Variants in EPHA5 observed in about 807,000 individuals in gnomAD.
EPHA5 encodes the protein ephrin type-A receptor 5.
EPHA5 carries 60 observed loss-of-function variants against 105.0 expected under a neutral mutation model. The observed-to-expected ratio is 0.57, with a 90% CI of 0.46 to 0.71. EPHA5 has a LOEUF of 0.71. EPHA5 is among the 30% of genes least tolerant of loss of function. EPHA5 has a pLI of 0.00. For missense variants in EPHA5, 1,218 were observed against 1,274.7 expected (o/e 0.96, Z 0.68); for synonymous variants, 513 against 449.1 (o/e 1.14, Z -1.80).
chr4:65,565,752 G>A (rs1739469920), intron 3 of EPHA5, among the ~76,000 whole-genome samples: 1 of 150,754 alleles, frequency 6.6e-6, no homozygotes, highest in Non-Finnish European at 1.5e-5. Context: ...TACATATTAT[G>A]GGAAATATAT....
At chr4:65,463,774 A>G (rs1337572558) in intron 5 of EPHA5, among the ~76,000 whole-genome samples, 1 of 152,038 alleles carries the variant, frequency 6.6e-6, no homozygotes, top group African/African-American at 2.4e-5. Flanking sequence ...TTCTCTTGCC[A>G]TGACTGGGAA....
At position 65,669,565 on chromosome 4, in the gene EPHA5, C is replaced by G. The variant is rs547670481; in HGVS notation, c.178G>C (p.Glu60Gln). 2.1e-6 allele frequency: 3 copies of G among 1,399,696 alleles called. No individual in the cohort carries two copies. The highest frequency in any genetic ancestry group is 2.8e-6 in the Non-Finnish European group (3 of 1,071,290). 86.7% of individuals were successfully genotyped at this position (1,399,696 alleles called of 1,614,324 possible). A position where few individuals can be genotyped will look rare whatever the true frequency, so the allele number is the denominator to read the frequency against. Reference sequence around the variant, plus strand: ...GTCCCCACCCCCATCTCCCTACCTTCGTTGCTGGGGCTGGCCAGGAGGGTC... The same window carrying G: ...GTCCCCACCCCCATCTCCCTACCTTGGTTGCTGGGGCTGGCCAGGAGGGTC... ...LRTLLASPSN[E>Q]VNLLDSRTVM... Residue 60 changes from glutamate to glutamine, a missense_variant, in exon 1 of 17, where the codon GAA (glutamate) becomes CAA (glutamine). Around this residue, in one of 3 missense-constraint regions of EPHA5, gnomAD observed 233 missense variants for 227.5 expected, o/e 1.02. Coordinates refer to ENST00000613740, the MANE Select transcript of EPHA5 (RefSeq NM_001281766.3).
In EPHA5 at chr4:65,572,248, A is replaced by C. The variant is rs555065931; in HGVS notation, c.910+29393T>G. 6.6e-5 allele frequency among the ~76,000 whole-genome samples: 10 copies of C among 152,312 alleles called. No homozygotes were observed. The South Asian group carries it at 2.1e-3, about 32-fold the overall frequency. On this transcript the variant is annotated intron_variant, in intron 3 of 16. Coordinates refer to ENST00000613740, the MANE Select transcript of EPHA5 (RefSeq NM_001281766.3). ...AGAACTCTGAGGAAAATAAATTATT[A>C]GAAAGAAAATAATTTAATTATTCTG...
rs1720567748 is a variant in EPHA5, at chr4:65,331,070, TA to T, written c.2945+902del. On this transcript the variant is annotated intron_variant, in intron 16 of 16. Transcript: ENST00000613740. ...TCAATGTTCATATCATGTGTACAAA[TA>T]AAATAACAACTATGGTTTAGTGCTT... 2.3e-5 allele frequency: 24 copies of T among 1,042,952 alleles called. No homozygotes were observed. In the Middle Eastern group the frequency reaches 2.2e-3, roughly 94 times the overall value. 64.6% of individuals were successfully genotyped at this position (1,042,952 alleles called of 1,614,324 possible). A position where few individuals can be genotyped will look rare whatever the true frequency, so the allele number is the denominator to read the frequency against.
chr4:65,527,260 T>C (rs1735323308), intron 3 of EPHA5, among the ~76,000 whole-genome samples: 1 of 152,114 alleles, frequency 6.6e-6, no homozygotes, highest in Non-Finnish European at 1.5e-5. Context: ...TATAATAGAA[T>C]ACTACATTGC....
chr4:65,594,790 A>T (rs1743007520), intron 3 of EPHA5, among the ~76,000 whole-genome samples: 1 of 152,180 alleles, frequency 6.6e-6, no homozygotes. Context: ...CGGGTGTAAT[A>T]ATTTACAAAT....
chr4:65,611,900 T>C (rs558289212), intron 2 of EPHA5, among the ~76,000 whole-genome samples: 4 of 150,950 alleles, frequency 2.6e-5, no homozygotes, highest in African/African-American at 9.7e-5. Flanking sequence ...ATTAAAGACA[T>C]TCTATAGAAA....
chr4:65,331,662 A>G (rs1720628998), intron 16 of EPHA5: 22 of 1,113,094 alleles, frequency 2.0e-5, no homozygotes, highest in Non-Finnish European at 2.4e-5. Context: ...CATAGATACC[A>G]GTATAAAAAA....
At chr4:65,381,560 C>T (rs1224493922) in intron 8 of EPHA5, among the ~76,000 whole-genome samples, 1 of 151,748 alleles carries the variant, frequency 6.6e-6, no homozygotes. Flanking sequence ...AAACACATAG[C>T]TAATATTAAC....
At chr4:65,651,817 T>TA (rs1295567233) in intron 1 of EPHA5, among the ~76,000 whole-genome samples, 1 of 152,058 alleles carries the variant, frequency 6.6e-6, no homozygotes, top group African/African-American at 2.4e-5. Context: ...GTTAATAGCC[T>TA]AAAAAAGTGT....
At chr4:65,377,340 A>T (rs1719112319) in intron 8 of EPHA5, among the ~76,000 whole-genome samples, 1 of 152,026 alleles carries the variant, frequency 6.6e-6, no homozygotes, top group Non-Finnish European at 1.5e-5. Context: ...AATTAATTGT[A>T]TGCAATTCAT....
intron 12 of EPHA5, 35 bp from the exon 13 acceptor site, chr4:65,351,633 C>T (rs1246643010): frequency 4.4e-6 from 7 of 1,586,242 alleles, no homozygotes; most frequent in Non-Finnish European, 6.1e-6. Context: ...AGTCTAGCAA[C>T]ACCAATCACT....
chr4:65,371,168 T>C (rs1718429773), intron 8 of EPHA5, among the ~76,000 whole-genome samples: 2 of 152,154 alleles, frequency 1.3e-5, no homozygotes, highest in African/African-American at 4.8e-5. Context: ...GAAATTATTT[T>C]ACTAAAAACA....
chr4:65,458,073 C>CAA (rs10565968), intron 5 of EPHA5, among the ~76,000 whole-genome samples: 287 of 72,350 alleles, frequency 4.0e-3, no homozygotes, highest in Admixed American at 4.6e-3. Flanking sequence ...CACTCCATCC[C>CAA]AAAAAAAAAA....
chr4:65,413,644 A>G (rs1723120392), intron 7 of EPHA5, among the ~76,000 whole-genome samples: 1 of 152,192 alleles, frequency 6.6e-6, no homozygotes, highest in South Asian at 2.1e-4. Context: ...CCTCACAAAT[A>G]ACTTTAATAG....
intron 3 of EPHA5, among the ~76,000 whole-genome samples, chr4:65,591,592 A>C (rs1742661726): frequency 1.3e-5 from 2 of 150,754 alleles, no homozygotes; most frequent in African/African-American, 2.5e-5. Context: ...TGCCTACATT[A>C]ATTTTAATTT....
At chr4:65,355,057 G>A (rs1723171484) in intron 11 of EPHA5, among the ~76,000 whole-genome samples, 1 of 151,726 alleles carries the variant, frequency 6.6e-6, no homozygotes, top group Non-Finnish European at 1.5e-5. Context: ...CAGAGAATGT[G>A]CATTTTGGAT....
chr4:65,394,822 T>C (rs2148964571), intron 8 of EPHA5, among the ~76,000 whole-genome samples: 1 of 152,236 alleles, frequency 6.6e-6, no homozygotes, highest in East Asian at 1.9e-4. Flanking sequence ...GGAAATGCTA[T>C]GTAATTAATG....
intron 5 of EPHA5, among the ~76,000 whole-genome samples, chr4:65,451,724 T>G (rs1727086768): frequency 1.3e-5 from 2 of 152,142 alleles, no homozygotes; most frequent in South Asian, 4.1e-4. Context: ...TAGAATAACC[T>G]AAATAGGCCT....
Sources: allele counts gnomAD v4.1 joint callset (sites outside exome capture counted in the v4.1 genomes callset), GRCh38; gene constraint gnomAD v4.1.1; regional missense constraint gnomAD v4.1.1; transcripts MANE v1.5; gene names NCBI Gene and HGNC (gene_info 2026-07-23, HGNC 2026-07-21).